Variants in PDE4D observed in about 807,000 individuals in gnomAD.
PDE4D encodes the protein phosphodiesterase 4D.
A neutral mutation model predicts 87.4 loss-of-function variants in PDE4D; 24 were observed. The observed-to-expected ratio is 0.27, with a 90% CI of 0.20 to 0.39. The LOEUF is 0.39. PDE4D is among the 10% of genes least tolerant of loss of function. PDE4D has a pLI of 1.00. For missense variants in PDE4D, 714 were observed against 1,041.0 expected (o/e 0.69, Z 4.32); for synonymous variants, 384 against 383.2 (o/e 1.00, Z -0.02).
chr5:59,079,275 T>C (rs1204689100), intron 5 of PDE4D, among the ~76,000 whole-genome samples: 3 of 152,110 alleles, frequency 2.0e-5, no homozygotes, highest in African/African-American at 7.2e-5. Flanking sequence ...ACCTATGTAA[T>C]AAAACTAGAC....
chr5:59,557,593 T>A (rs1423302515), intron 1 of PDE4D, among the ~76,000 whole-genome samples: 1 of 152,202 alleles, frequency 6.6e-6, no homozygotes, highest in Non-Finnish European at 1.5e-5. Flanking sequence ...TCAGTAGGTT[T>A]ATGTCTACCA....
intron 2 of PDE4D, among the ~76,000 whole-genome samples, chr5:60,002,858 T>C (rs1330040244): frequency 1.1e-4 from 16 of 152,110 alleles, no homozygotes; most frequent in Admixed American, 9.8e-4. Flanking sequence ...TTCTCTAAAA[T>C]CTGAAACAAA....
At chr5:59,357,200 C>T (rs941509076) in intron 1 of PDE4D, among the ~76,000 whole-genome samples, 22 of 152,138 alleles carry the variant, frequency 1.4e-4, no homozygotes, top group African/African-American at 3.9e-4. Flanking sequence ...CACACACACA[C>T]GCATGCACAC....
intron 2 of PDE4D, among the ~76,000 whole-genome samples, chr5:60,103,174 G>A (rs1412708471): frequency 3.3e-5 from 5 of 152,202 alleles, no homozygotes; most frequent in Admixed American, 6.5e-5. Context: ...TGCAGTCAGT[G>A]TTGCTGACTC....
At chr5:60,452,425 G>A (rs1441706480) in intron 1 of PDE4D, among the ~76,000 whole-genome samples, 1 of 152,008 alleles carries the variant, frequency 6.6e-6, no homozygotes, top group Admixed American at 6.6e-5. Context: ...ACATTATCCA[G>A]CAATAGCCCG....
At chr5:59,497,757 A>T (rs1475876568) in intron 1 of PDE4D, among the ~76,000 whole-genome samples, 1 of 152,218 alleles carries the variant, frequency 6.6e-6, no homozygotes, top group Non-Finnish European at 1.5e-5. Flanking sequence ...ATTTGAGGAT[A>T]TAATTCAGGG....
At chr5:59,495,851 G>A in intron 1 of PDE4D, among the ~76,000 whole-genome samples, 1 of 152,180 alleles carries the variant, frequency 6.6e-6, no homozygotes, top group East Asian at 1.9e-4. Flanking sequence ...CGATCCCACG[G>A]CAGCATCTAG....
chr5:60,265,329 C>T (rs1406209159), intron 1 of PDE4D, among the ~76,000 whole-genome samples: 2 of 152,164 alleles, frequency 1.3e-5, no homozygotes, highest in African/African-American at 2.4e-5. Context: ...CTGGTCCCCA[C>T]AAGAGGATGT....
At chr5:60,302,236 A>G (rs1020231611) in intron 1 of PDE4D, among the ~76,000 whole-genome samples, 1 of 152,190 alleles carries the variant, frequency 6.6e-6, no homozygotes. Flanking sequence ...TAGTTTCAGC[A>G]GAAATAGTAC....
chr5:59,065,119 CACACAT>C (rs1763733233), intron 5 of PDE4D, among the ~76,000 whole-genome samples: 5 of 131,486 alleles, frequency 3.8e-5, no homozygotes, highest in East Asian at 2.3e-4. Flanking sequence ...CACACACACA[CACACAT>C]ATACAATGAA....
At chr5:59,333,871 G>T (rs933814415) in intron 1 of PDE4D, among the ~76,000 whole-genome samples, 39 of 151,890 alleles carry the variant, frequency 2.6e-4, no homozygotes, top group African/African-American at 9.4e-4. Context: ...TGAAACCCAG[G>T]TCAGTAATCT....
At chr5:59,576,403 T>C (rs1175990227) in intron 1 of PDE4D, among the ~76,000 whole-genome samples, 1 of 152,174 alleles carries the variant, frequency 6.6e-6, no homozygotes, top group African/African-American at 2.4e-5. Context: ...TATTATTTTT[T>C]ATAGCATACG....
chr5:59,804,753 A>T (rs569667471), intron 1 of PDE4D, among the ~76,000 whole-genome samples: 29 of 152,244 alleles, frequency 1.9e-4, no homozygotes, highest in African/African-American at 7.0e-4. Context: ...TCCAATAGTG[A>T]TTATTCTGGG....
chr5:60,204,555 G>T (rs1260972972), intron 1 of PDE4D, among the ~76,000 whole-genome samples: 1 of 152,166 alleles, frequency 6.6e-6, no homozygotes, highest in Non-Finnish European at 1.5e-5. Flanking sequence ...GGGCTGGATG[G>T]CATTTCCCGC....
At chr5:59,355,198 A>G (rs141297825) in intron 1 of PDE4D, among the ~76,000 whole-genome samples, 28 of 152,366 alleles carry the variant, frequency 1.8e-4, no homozygotes, top group African/African-American at 6.0e-4. Flanking sequence ...TATATTTATC[A>G]TATAGCTTTA....
chr5:60,508,562 C>A (rs1196769017), intron 1 of PDE4D, among the ~76,000 whole-genome samples: 1 of 152,206 alleles, frequency 6.6e-6, no homozygotes, highest in Non-Finnish European at 1.5e-5. Context: ...TATCCATTGA[C>A]CAACAAAAAT....
At chr5:60,006,711 T>C (rs965287642) in intron 2 of PDE4D, among the ~76,000 whole-genome samples, 3 of 152,032 alleles carry the variant, frequency 2.0e-5, no homozygotes, top group African/African-American at 7.2e-5. Flanking sequence ...TTCTGTGCTG[T>C]AAACATGATG....
intron 1 of PDE4D, among the ~76,000 whole-genome samples, chr5:59,385,036 C>A (rs1426338337): frequency 1.3e-5 from 2 of 152,058 alleles, no homozygotes; most frequent in African/African-American, 4.8e-5. Context: ...CCAAATGGTA[C>A]TCATATCTGC....
chr5:59,509,489 C>T (rs1809892093), intron 1 of PDE4D, among the ~76,000 whole-genome samples: 1 of 149,732 alleles, frequency 6.7e-6, no homozygotes, highest in Admixed American at 6.6e-5. Flanking sequence ...CCAAAGATGA[C>T]TTACTACAAC....
Sources: allele counts gnomAD v4.1 joint callset (sites outside exome capture counted in the v4.1 genomes callset), GRCh38; gene constraint gnomAD v4.1.1; transcripts MANE v1.5; gene names NCBI Gene and HGNC (gene_info 2026-07-23, HGNC 2026-07-21).